Variants in PHACTR2 observed in about 807,000 individuals in gnomAD.
The protein encoded by PHACTR2 is phosphatase and actin regulator 2.
In PHACTR2, 30 loss-of-function variants were observed where a neutral mutation model predicts 76.0. The ratio of observed to expected loss-of-function variants is 0.39; its 90% CI spans 0.30 to 0.54. The LOEUF (loss-of-function observed/expected upper bound fraction) is 0.54. PHACTR2 is among the 20% of genes least tolerant of loss of function. PHACTR2 has a pLI of 0.61. For synonymous variants in PHACTR2, 292 were observed against 292.5 expected, an observed-to-expected ratio of 1.00 and a Z score of 0.02; for missense variants, 696 against 781.1, an observed-to-expected ratio of 0.89 and a Z score of 1.30.
At position 143,753,373 on chromosome 6, in the gene PHACTR2, C is replaced by T. The variant is rs144563293; in HGVS notation, c.296-381C>T. 3.3e-5 allele frequency among the ~76,000 whole-genome samples: 5 copies of T among 152,200 alleles called. No individual in the cohort carries two copies. Among genetic ancestry groups the T allele is most frequent in the African/African-American group, 9.6e-5 (4 of 41,526 alleles). On this transcript the variant is annotated intron_variant, in intron 3 of 12. Transcript: ENST00000440869. The surrounding 1 kb of genome is among the most constrained non-coding windows in gnomAD (Gnocchi z 4.6). ...TTGCATTCACCTTGTGTTTTTGGTGCTTGTAAAATGTTTATTCCATTTTCC... is the reference window on the plus strand; with the variant it reads ...TTGCATTCACCTTGTGTTTTTGGTGTTTGTAAAATGTTTATTCCATTTTCC...
intron 2 of PHACTR2, among the ~76,000 whole-genome samples, chr6:143,715,185 C>T (rs1406867913): frequency 6.6e-6 from 1 of 152,202 alleles, no homozygotes; most frequent in Admixed American, 6.5e-5. Context: ...TTCATTTCAA[C>T]CTCTACAACA....
intron 2 of PHACTR2, among the ~76,000 whole-genome samples, chr6:143,723,398 G>A (rs533425493): frequency 6.6e-6 from 1 of 152,266 alleles, no homozygotes; most frequent in African/African-American, 2.4e-5. Context: ...CCTCTTTCAT[G>A]TCCTAAGAAA....
At chr6:143,626,920 G>A (rs1046224941) in intron 1 of PHACTR2, among the ~76,000 whole-genome samples, 8 of 152,182 alleles carry the variant, frequency 5.3e-5, no homozygotes, top group African/African-American at 1.9e-4. Context: ...AACAAGTTTG[G>A]AATTCCTCTT....
chr6:143,744,729 G>T (rs190558401), intron 2 of PHACTR2, among the ~76,000 whole-genome samples: 2 of 152,204 alleles, frequency 1.3e-5, no homozygotes, highest in Non-Finnish European at 2.9e-5. Context: ...AAGGGGCTGC[G>T]GTGAGTTCAG....
At position 143,679,804 on chromosome 6, in the gene PHACTR2, A is replaced by T. The variant is rs944490296; in HGVS notation, c.46+1595A>T. 6.6e-6 allele frequency among the ~76,000 whole-genome samples: 1 copy of T among 152,214 alleles called. No homozygotes were observed. Among genetic ancestry groups the T allele is most frequent in the Non-Finnish European group, 1.5e-5 (1 of 68,030 alleles). On this transcript the variant is annotated intron_variant, in intron 1 of 12. Transcript: ENST00000440869. This position sits in a 1 kb window ranked among gnomAD's most constrained non-coding sequence, Gnocchi z 4.6. ...GATTGCTATAATTCCAAATAAAATG[A>T]CTGATTATAATGAGAAACTGTAATC...
intron 11 of PHACTR2, among the ~76,000 whole-genome samples, chr6:143,799,414 T>C (rs763563675): frequency 1.8e-4 from 28 of 152,260 alleles, no homozygotes; most frequent in Non-Finnish European, 2.8e-4. Flanking sequence ...TAGTTATTTC[T>C]TGCCTTCTGC....
At position 143,663,882 on chromosome 6, in the gene PHACTR2, A is replaced by T. The variant is rs1031370167; in HGVS notation, c.14-48134A>T. ...TCAATGTACAGTTGCCATTTTCTTG[A>T]GTACAAGTCTCTACACGTTTGTGTA... is the stretch of plus-strand genomic sequence containing the variant. On this transcript the variant is annotated intron_variant, in intron 1 of 11. Transcript: ENST00000305766. The surrounding 1 kb of genome is among the most constrained non-coding windows in gnomAD (Gnocchi z 4.1). 6.6e-6 allele frequency among the ~76,000 whole-genome samples: 1 copy of T among 152,186 alleles called. No individual in the cohort carries two copies. Among genetic ancestry groups the T allele is most frequent in the African/African-American group, 2.4e-5 (1 of 41,468 alleles).
In PHACTR2 at chr6:143,760,459, T is replaced by C. The variant is rs1779410319; in HGVS notation, c.513T>C (p.Pro171=). The C allele has an allele frequency of 6.2e-7, 1 of 1,613,578 alleles. No individual in the cohort carries two copies. Among genetic ancestry groups the C allele is most frequent in the African/African-American group, 1.3e-5 (1 of 74,902 alleles). ...PAAPALPPSA[P]PKPRPKPKPK... is the part of the protein sequence containing the mutation. ...CTCCTGCTCTACCTCCTTCTGCTCC[T>C]CCTAAGCCTAGACCCAAACCTAAAC... Residue 171 remains proline (P), a synonymous_variant, in exon 5 of 13, where the codon CCT becomes CCC. Transcript: ENST00000440869. The surrounding 1 kb of genome is among the most constrained non-coding windows in gnomAD (Gnocchi z 6.4).
upstream of PHACTR2, among the ~76,000 whole-genome samples, chr6:143,606,439 AT>A (rs917545394): frequency 6.6e-6 from 1 of 152,140 alleles, no homozygotes; most frequent in Admixed American, 6.5e-5. Context: ...AACATAATCC[AT>A]TTGTCATTTA....
intron 1 of PHACTR2, among the ~76,000 whole-genome samples, chr6:143,586,293 C>T (rs547108109): frequency 3.9e-5 from 6 of 152,320 alleles, no homozygotes; most frequent in Non-Finnish European, 8.8e-5. Flanking sequence ...TCTACGAAAC[C>T]ATCACACTTT....
chr6:143,541,726 A>G lies in PHACTR2; in HGVS notation c.217+4519A>G, dbSNP rs1455157683. 6.6e-6 allele frequency among the ~76,000 whole-genome samples: 1 copy of G among 152,176 alleles called. No homozygotes were observed. Among genetic ancestry groups the G allele is most frequent in the Non-Finnish European group, 1.5e-5 (1 of 68,028 alleles). ...ATCTCGCATACCTCAATGTACTATC[A>G]GTTCATATGCACTGCTTCCTGGCCA... On this transcript the variant is annotated intron_variant, in intron 1 of 11. Coordinates refer to the PHACTR2 transcript ENST00000367584. The surrounding 1 kb of genome is among the most constrained non-coding windows in gnomAD (Gnocchi z 5.3).
intron 10 of PHACTR2, among the ~76,000 whole-genome samples, chr6:143,788,454 G>A (rs532831289): frequency 3.3e-5 from 5 of 152,240 alleles, no homozygotes; most frequent in African/African-American, 4.8e-5. Flanking sequence ...TTGTGTCTGC[G>A]CATTGCATGT....
Position 143,583,292 on chromosome 6 carries a change from C to T in PHACTR2, c.217+46085C>T, listed in dbSNP as rs1775594788. On this transcript the variant is annotated intron_variant, in intron 1 of 11. Coordinates refer to the PHACTR2 transcript ENST00000367584. This position sits in a 1 kb window ranked among gnomAD's most constrained non-coding sequence, Gnocchi z 4.0. ...GATTTAGTGAATGAAAGCACTTATA[C>T]CATGTGAGAATGGGTTACAGAAACA... Among the ~76,000 whole-genome samples the T allele has an allele frequency of 6.6e-6, 1 of 152,216 alleles. No individual in the cohort carries two copies. Among genetic ancestry groups the T allele is most frequent in the Non-Finnish European group, 1.5e-5 (1 of 68,040 alleles).
In PHACTR2 at chr6:143,641,029, C is replaced by T. The variant is rs1776554229; in HGVS notation, c.13+32707C>T. On this transcript the variant is annotated intron_variant, in intron 1 of 11. Coordinates refer to the PHACTR2 transcript ENST00000305766. This position sits in a 1 kb window ranked among gnomAD's most constrained non-coding sequence, Gnocchi z 5.8. ...TTATAATGAATGAGAATGTATTTCT[C>T]ATAGTTCTGGAGGTTGGTGGTCCAC... Among the ~76,000 whole-genome samples, 1 of 152,154 alleles carries T rather than the reference C, an allele frequency of 6.6e-6. No individual in the cohort carries two copies. The highest frequency in any genetic ancestry group is 2.1e-4 in the South Asian group (1 of 4,826).
Position 143,741,191 on chromosome 6 carries a change from A to G in PHACTR2, c.215-7794A>G, listed in dbSNP as rs1778933486. On this transcript the variant is annotated intron_variant, in intron 2 of 12. Coordinates refer to ENST00000440869, the MANE Select transcript of PHACTR2 (RefSeq NM_001100164.2). ...CAGGAGTTCAAGACCAGCCTGGCCA[A>G]CATGGGGAAACCCCATCTCTACTAA... is the stretch of plus-strand genomic sequence containing the variant. Among the ~76,000 whole-genome samples the G allele has an allele frequency of 2.0e-5, 3 of 149,938 alleles. No homozygotes were observed. In the South Asian group the frequency reaches 6.3e-4, roughly 31 times the overall value.
At position 143,753,693 on chromosome 6, in the gene PHACTR2, GA is replaced by G; in HGVS notation, c.296-57del. On this transcript the variant is annotated intron_variant, in intron 3 of 12. Transcript: ENST00000440869. The surrounding 1 kb of genome is among the most constrained non-coding windows in gnomAD (Gnocchi z 4.6). Reference sequence around the variant, plus strand: ...CTAAATTTTACAATCCTAGTAACTGGAAAACTTGTTTTTAAGAAAGCCAGCA... The same window carrying G: ...CTAAATTTTACAATCCTAGTAACTGGAAACTTGTTTTTAAGAAAGCCAGCA... 1.6e-6 allele frequency: 2 copies of G among 1,277,730 alleles called. No individual in the cohort carries two copies. The highest frequency in any genetic ancestry group is 2.2e-6 in the Non-Finnish European group (2 of 917,598). 79.1% of individuals were successfully genotyped at this position (1,277,730 alleles called of 1,614,324 possible). A position where few individuals can be genotyped will look rare whatever the true frequency, so the allele number is the denominator to read the frequency against.
chr6:143,559,768 T>C (rs965265319), intron 1 of PHACTR2, among the ~76,000 whole-genome samples: 1 of 139,148 alleles, frequency 7.2e-6, no homozygotes, highest in African/African-American at 2.7e-5. Context: ...TGGAGTGCAA[T>C]GGTGTGATCT....
chr6:143,766,087 C>T (rs1377901460), intron 6 of PHACTR2, among the ~76,000 whole-genome samples: 1 of 152,236 alleles, frequency 6.6e-6, no homozygotes, highest in Admixed American at 6.5e-5. Flanking sequence ...GTTCCCTTCT[C>T]TTTCCTTTCA....
In PHACTR2 at chr6:143,662,150, A is replaced by G. The variant is rs1776957839; in HGVS notation, c.14-49866A>G. On this transcript the variant is annotated intron_variant, in intron 1 of 11. Coordinates refer to the PHACTR2 transcript ENST00000305766. This position sits in a 1 kb window ranked among gnomAD's most constrained non-coding sequence, Gnocchi z 4.7. Reference sequence around the variant, plus strand: ...TCACCTGTTTGGAGAATGTGTCAACATTCCCTAATTGAGAAGTAATTTGCA... The same window carrying G: ...TCACCTGTTTGGAGAATGTGTCAACGTTCCCTAATTGAGAAGTAATTTGCA... 6.6e-6 allele frequency among the ~76,000 whole-genome samples: 1 copy of G among 152,160 alleles called. No individual in the cohort carries two copies. The highest frequency in any genetic ancestry group is 1.5e-5 in the Non-Finnish European group (1 of 68,038).
Sources: allele counts gnomAD v4.1 joint callset (sites outside exome capture counted in the v4.1 genomes callset), GRCh38; gene constraint gnomAD v4.1.1; non-coding constraint Gnocchi (gnomAD v3.1); transcripts MANE v1.5; gene names NCBI Gene and HGNC (gene_info 2026-07-23, HGNC 2026-07-21).